GRK2: variants seen among roughly 807,000 people sequenced by gnomAD.
The protein encoded by GRK2 is G protein-coupled receptor kinase 2, also known as adrenergic beta receptor kinase 1.
GRK2 carries 23 observed loss-of-function variants against 97.8 expected under a neutral mutation model. The ratio of observed to expected loss-of-function variants is 0.24; its 90% confidence interval spans 0.17 to 0.33. The LOEUF is 0.33. GRK2 is among the 10% of genes least tolerant of loss of function. The probability of loss-of-function intolerance (pLI) is 1.00; values close to 1 mark genes in which losing one functional copy is unlikely to be tolerated. For synonymous variants in GRK2, 425 were observed against 381.7 expected (o/e 1.11, Z -1.32); for missense variants, 633 against 956.9 (o/e 0.66, Z 4.47).
In GRK2 at chr11:67,281,960, C is replaced by T. The variant is rs755682896; in HGVS notation, c.957+8C>T. On this transcript the variant is annotated splice_region_variant and intron_variant, in intron 11 of 20. Transcript: ENST00000308595. This position sits in a 1 kb window ranked among gnomAD's most constrained non-coding sequence, Gnocchi z 5.7. Reference sequence around the variant, plus strand: ...GTCTACCGGGACCTGAAGGTGAGCGCCCCTGCTGTCCCCAGGCTGGACCTC... The same window carrying T: ...GTCTACCGGGACCTGAAGGTGAGCGTCCCTGCTGTCCCCAGGCTGGACCTC... 1 of 1,613,168 alleles carries T rather than the reference C, an allele frequency of 6.2e-7. No individual in the cohort carries two copies. The highest frequency in any genetic ancestry group is 2.2e-5 in the East Asian group (1 of 44,874).
chr11:67,266,886 A>G (rs1208783665), intron 1 of GRK2, 74 bp downstream of exon 1: 1 of 668,038 alleles, frequency 1.5e-6, no homozygotes, highest in Admixed American at 5.0e-5. Flanking sequence ...CCCTGGCCCC[A>G]TGCTCGACCC....
chr11:67,280,256 G>C, intron 6 of GRK2: 4 of 402,346 alleles, frequency 9.9e-6, no homozygotes, highest in Non-Finnish European at 1.8e-5. Flanking sequence ...AGGCCCAGTA[G>C]AGCGCATGGC....
chr11:67,280,598 A>T lies in GRK2; in HGVS notation c.504-134A>T, dbSNP rs961110331. On this transcript the variant is annotated intron_variant, in intron 6 of 20. Transcript: ENST00000308595. ...CTCAACATATCCTTCCTGGAAGAGG[A>T]CATTAACGCTCGTGATGTTTCCACA... 15 of 999,192 alleles carry T rather than the reference A, an allele frequency of 1.5e-5. No homozygotes were observed. In the African/African-American group the frequency reaches 2.1e-4, roughly 14 times the overall value. 61.9% of individuals were successfully genotyped at this position (999,192 alleles called of 1,614,324 possible). A position where few individuals can be genotyped will look rare whatever the true frequency, so the allele number is the denominator to read the frequency against.
At chr11:67,279,995 A>C in intron 6 of GRK2, 95 bp downstream of exon 6, 1 of 1,308,516 alleles carries the variant, frequency 7.6e-7, no homozygotes, top group Admixed American at 1.7e-5. Flanking sequence ...AGCCTTCATT[A>C]GGCCCTGAGC....
rs1463259069 is a variant in GRK2, at chr11:67,284,683, G to A, written c.1655-164G>A. 6 of 986,280 alleles carry A rather than the reference G, an allele frequency of 6.1e-6. No homozygotes were observed. In the East Asian group the frequency reaches 7.9e-5, roughly 13 times the overall value. 61.1% of individuals were successfully genotyped at this position (986,280 alleles called of 1,614,324 possible). ...ACGCGCCTGTACTCCCAGCTACCCG[G>A]GAGGCTGAGGCGGGAGGATCGTTTG... On this transcript the variant is annotated intron_variant, in intron 18 of 20. Coordinates refer to ENST00000308595, the MANE Select transcript of GRK2 (RefSeq NM_001619.5).
intron 1 of GRK2, 94 bp from the exon 2 acceptor site, chr11:67,277,178 C>G: frequency 8.3e-7 from 1 of 1,210,348 alleles, no homozygotes; most frequent in Non-Finnish European, 1.2e-6. Context: ...GAGGGAGTGG[C>G]GACACCACCA....
Position 67,281,251 on chromosome 11 carries a change from C to T in GRK2, c.647+67C>T, listed in dbSNP as rs747970757. 2.2e-5 allele frequency: 32 copies of T among 1,441,944 alleles called. No individual in the cohort carries two copies. In the African/African-American group the frequency reaches 2.7e-4, roughly 12 times the overall value. 89.3% of individuals were successfully genotyped at this position (1,441,944 alleles called of 1,614,324 possible). ...GGGCTCCTGGGGGACCCTGACAGGC[C>T]GGGTTCCACACAGGGCCACCTGCTG... On this transcript the variant is annotated intron_variant, in intron 8 of 20. Transcript: ENST00000308595. The surrounding 1 kb of genome is among the most constrained non-coding windows in gnomAD (Gnocchi z 5.7).
Position 67,281,314 on chromosome 11 carries a change from C to A in GRK2, c.647+130C>A. ...CTGTCTTGCCGTGCTGTTACCCCCGCAGGCTCCTCTGGCCCCAGCCCTCCC... is the reference window on the plus strand; with the variant it reads ...CTGTCTTGCCGTGCTGTTACCCCCGAAGGCTCCTCTGGCCCCAGCCCTCCC... On this transcript the variant is annotated intron_variant, in intron 8 of 20. Transcript: ENST00000308595. The surrounding 1 kb of genome is among the most constrained non-coding windows in gnomAD (Gnocchi z 5.7). 9.3e-7 allele frequency: 1 copy of A among 1,078,316 alleles called. No homozygotes were observed. Among genetic ancestry groups the A allele is most frequent in the Non-Finnish European group, 1.4e-6 (1 of 728,654 alleles). 66.8% of individuals were successfully genotyped at this position (1,078,316 alleles called of 1,614,324 possible).
In GRK2 at chr11:67,283,925, T is replaced by C. The variant is rs1860210971; in HGVS notation, c.1467T>C (p.Asp489=). ...ACGCCTTCGACATTGGCTCCTTCGA[T>C]GAGGAGGACACAAAAGGAATCAAGG... ...AADAFDIGSF[D]EEDTKGIKLL... is the part of the protein sequence containing the mutation. Residue 489 remains aspartate, a synonymous_variant, in exon 17 of 21, where the codon GAT becomes GAC. Coordinates refer to ENST00000308595, the MANE Select transcript of GRK2 (RefSeq NM_001619.5). The C allele has an allele frequency of 2.5e-6, 4 of 1,611,998 alleles. No individual in the cohort carries two copies. Among genetic ancestry groups the C allele is most frequent in the African/African-American group, 1.3e-5 (1 of 74,910 alleles).
At position 67,266,931 on chromosome 11, in the gene GRK2, C is replaced by A. The variant is rs1017361457; in HGVS notation, c.113+119C>A. 15 of 336,630 alleles carry A rather than the reference C, an allele frequency of 4.5e-5. No individual in the cohort carries two copies. In the Admixed American group the frequency reaches 6.8e-4, roughly 15 times the overall value. The allele number at this position is 336,630 out of a possible 1,614,324, so 20.9% of individuals were successfully genotyped here. A position where few individuals can be genotyped will look rare whatever the true frequency, so the allele number is the denominator to read the frequency against. On this transcript the variant is annotated intron_variant, in intron 1 of 20. Coordinates refer to ENST00000308595, the MANE Select transcript of GRK2 (RefSeq NM_001619.5). ...GACCCCCGGGGCCGGCTCTCGCAACCCCCTGTCGGCCCCCCAGCCCGGAGC... is the reference window on the plus strand; with the variant it reads ...GACCCCCGGGGCCGGCTCTCGCAACACCCTGTCGGCCCCCCAGCCCGGAGC...
chr11:67,278,452 C>T (rs970402263), intron 2 of GRK2, among the ~76,000 whole-genome samples: 1 of 152,198 alleles, frequency 6.6e-6, no homozygotes, highest in Non-Finnish European at 1.5e-5. Context: ...CTTGCCTCTC[C>T]AGTTCCCTGT....
Position 67,286,516 on chromosome 11 carries a change from G to A in GRK2, c.*1066G>A. The A allele has an allele frequency of 4.3e-6, 3 of 701,660 alleles. No individual in the cohort carries two copies. Among genetic ancestry groups the A allele is most frequent in the Non-Finnish European group, 7.8e-6 (3 of 384,070 alleles). 43.5% of individuals were successfully genotyped at this position (701,660 alleles called of 1,614,324 possible). ...ATTTTTGAATGTGATTTTAAAGAGT[G>A]AAAAATGAGACTATGCGTTTTTATA... On this transcript the variant is annotated 3_prime_UTR_variant, in exon 21 of 21. Transcript: ENST00000308595.
chr11:67,282,254 C>A lies in GRK2; in HGVS notation c.958-17C>A, dbSNP rs1423302428. 6.2e-7 allele frequency: 1 copy of A among 1,612,160 alleles called. No homozygotes were observed. Among genetic ancestry groups the A allele is most frequent in the East Asian group, 2.2e-5 (1 of 44,870 alleles). ...ATCCTGAGCTGCCCCAGGCAGCTCA[C>A]TGGGCTTCCTTCACAGCCAGCCAAC... is the stretch of plus-strand genomic sequence containing the variant. On this transcript the variant is annotated splice_polypyrimidine_tract_variant and intron_variant, in intron 11 of 20. Coordinates refer to ENST00000308595, the MANE Select transcript of GRK2 (RefSeq NM_001619.5). This position sits in a 1 kb window ranked among gnomAD's most constrained non-coding sequence, Gnocchi z 6.9.
chr11:67,283,814 C>T, intron 16 of GRK2, 40 bp from the exon 17 acceptor site: 1 of 1,611,798 alleles, frequency 6.2e-7, no homozygotes, highest in Middle Eastern at 1.7e-4. Context: ...TCTGCAGCCC[C>T]ACCCCCGAGC....
intron 1 of GRK2, among the ~76,000 whole-genome samples, chr11:67,272,413 T>C (rs2136491127): frequency 6.6e-6 from 1 of 152,236 alleles, no homozygotes; most frequent in East Asian, 1.9e-4. Context: ...GTCTCTGACT[T>C]GTCACCCCCT....
rs141779841 is a variant in GRK2 at position 67,284,959 on chromosome 11, G to A, written c.1767G>A (p.Glu589=). ...TCTACCTGTTCCCCAACCGCCTCGA[G>A]TGGCGGGGCGAGGGCGAGGCCCCGG... ...RYFYLFPNRL[E]WRGEGEAPQS... is the part of the protein sequence containing the mutation. The change falls in exon 19 of 21, where the codon GAG becomes GAA. Residue 589 remains glutamate, a synonymous_variant. Coordinates refer to ENST00000308595, the MANE Select transcript of GRK2 (RefSeq NM_001619.5). 4.6e-5 allele frequency: 74 copies of A among 1,608,978 alleles called. No individual in the cohort carries two copies. The African/African-American group carries it at 8.5e-4, about 19-fold the overall frequency.
At chr11:67,267,950 C>T (rs970689137) in intron 1 of GRK2, among the ~76,000 whole-genome samples, 1 of 152,256 alleles carries the variant, frequency 6.6e-6, no homozygotes, top group Admixed American at 6.5e-5. Flanking sequence ...GCTACCCTGG[C>T]CTGTGCCAGG....
Position 67,273,055 on chromosome 11 carries a change from A to G in GRK2, c.114-4217A>G, listed in dbSNP as rs537679419. On this transcript the variant is annotated intron_variant, in intron 1 of 20. Coordinates refer to ENST00000308595, the MANE Select transcript of GRK2 (RefSeq NM_001619.5). ...GCGGGCAGCATGGCCAGCCTGGCAT[A>G]TTAGAAGCCCTCCTTCTGCCGTGTC... Among the ~76,000 whole-genome samples, 8 of 152,342 alleles carry G rather than the reference A, an allele frequency of 5.3e-5. No homozygotes were observed. In the East Asian group the frequency reaches 1.4e-3, roughly 26 times the overall value.
intron 6 of GRK2, chr11:67,280,348 T>A: frequency 2.6e-6 from 1 of 386,230 alleles, no homozygotes; most frequent in Middle Eastern, 7.8e-4. Context: ...AGCAGCTGTT[T>A]TAGGGTCACT....
Sources: gnomAD v4.1 joint callset for allele counts (sites outside exome capture counted in the v4.1 genomes callset) on GRCh38, gnomAD v4.1.1 for gene constraint, Gnocchi (gnomAD v3.1) non-coding constraint, MANE v1.5 for transcripts, NCBI Gene and HGNC (gene_info 2026-07-23, HGNC 2026-07-21) for gene names.